AOX1: variants seen among roughly 807,000 people sequenced by gnomAD.
The protein encoded by AOX1 is aldehyde oxidase.
AOX1 carries 153 observed loss-of-function variants against 169.5 expected under a neutral mutation model. The observed-to-expected ratio is 0.90, with a 90% CI of 0.79 to 1.03. AOX1 has a LOEUF of 1.03. AOX1 is among the 50% of genes least tolerant of loss of function. AOX1 has a pLI of 0.00. For missense variants in AOX1, 1,656 were observed against 1,663.9 expected, an observed-to-expected ratio of 1.00 and a Z score of 0.08; for synonymous variants, 562 against 581.9, an observed-to-expected ratio of 0.97 and a Z score of 0.49.
chr2:200,639,686 G>A (rs980549900), intron 23 of AOX1, among the ~76,000 whole-genome samples: 1 of 152,100 alleles, frequency 6.6e-6, no homozygotes, highest in East Asian at 1.9e-4. Context: ...ATGGAGAGAT[G>A]AATATGAATT....
chr2:200,610,705 A>G (rs966428285), intron 12 of AOX1, among the ~76,000 whole-genome samples: 1 of 152,186 alleles, frequency 6.6e-6, no homozygotes, highest in Non-Finnish European at 1.5e-5. Context: ...CTTGATCAGA[A>G]TATCAAAAGA....
exon 5 of AOX1, chr2:200,677,005 ATG>A (rs1322185205): frequency 6.6e-6 from 3 of 455,244 alleles, no homozygotes; most frequent in Non-Finnish European, 1.4e-5. Context: ...GTTTGTTTGT[ATG>A]TGAATGGAAG....
chr2:200,632,371 G>A (rs1423780239), intron 20 of AOX1, among the ~76,000 whole-genome samples: 1 of 150,824 alleles, frequency 6.6e-6, no homozygotes, highest in East Asian at 1.9e-4. Flanking sequence ...AAATATCACA[G>A]TCTGGTTTCA....
downstream of AOX1, among the ~76,000 whole-genome samples, chr2:200,677,769 A>G (rs1243561501): frequency 6.6e-6 from 1 of 152,150 alleles, no homozygotes; most frequent in East Asian, 1.9e-4. Flanking sequence ...CTTGTTTTTC[A>G]TTGTCCTTGA....
intron 27 of AOX1, among the ~76,000 whole-genome samples, chr2:200,657,165 A>AAAAAAAAAT (rs1179205121): frequency 2.3e-5 from 2 of 88,408 alleles, no homozygotes; most frequent in Non-Finnish European, 4.0e-5. Flanking sequence ...CTCTACCAAA[A>AAAAAAAAAT]ATATATATAT....
intron 34 of AOX1, 44 bp downstream of exon 34, chr2:200,669,786 G>C (rs758247718): frequency 6.3e-7 from 1 of 1,595,622 alleles, no homozygotes. Flanking sequence ...ATAAAATTCT[G>C]AATTTTTGGC....
At chr2:200,589,320 G>A (rs2034120436) in intron 1 of AOX1, among the ~76,000 whole-genome samples, 1 of 152,130 alleles carries the variant, frequency 6.6e-6, no homozygotes, top group Non-Finnish European at 1.5e-5. Flanking sequence ...GTTTAAGGGA[G>A]GAAGAGCCCA....
At chr2:200,589,501 G>A (rs13419464) in intron 1 of AOX1, among the ~76,000 whole-genome samples, 2,259 of 152,204 alleles carry the variant, frequency 0.015, 72 homozygotes, top group African/African-American at 0.051. Context: ...CTGGGGCCTC[G>A]GGCAAGGTAC....
At chr2:200,657,000 A>T in intron 27 of AOX1, 63 bp downstream of exon 27, 1 of 1,120,038 alleles carries the variant, frequency 8.9e-7, no homozygotes, top group Non-Finnish European at 1.2e-6. Context: ...ATGAGAGAAA[A>T]ACTATGAATG....
chr2:200,671,799 A>G (rs1405400048), downstream of AOX1, among the ~76,000 whole-genome samples: 3 of 152,204 alleles, frequency 2.0e-5, no homozygotes, highest in South Asian at 4.1e-4. Flanking sequence ...ACATAGAATT[A>G]CCATAATCTT....
rs377508767 is a variant in AOX1, at chr2:200,642,812, A to G, written c.2847+11A>G. The stretch of plus-strand genomic sequence containing the variant: ...CTATCCCCTGAGAAGGTAATACTAA[A>G]TCAGCTTCACAGACAAAACATGTGG... On this transcript the variant is annotated intron_variant, in intron 25 of 34. Transcript: ENST00000374700. The G allele has an allele frequency of 1.9e-5, 31 of 1,605,704 alleles. No homozygotes were observed. Among genetic ancestry groups the G allele is most frequent in the Non-Finnish European group, 2.6e-5 (30 of 1,174,902 alleles).
At chr2:200,642,923 C>A in intron 25 of AOX1, 122 bp downstream of exon 25, 3 of 947,160 alleles carry the variant, frequency 3.2e-6, no homozygotes, top group East Asian at 2.6e-5. Context: ...GCCAAGTCCC[C>A]CAGCTAACTG....
At chr2:200,618,504 C>T (rs1319928090) in intron 16 of AOX1, among the ~76,000 whole-genome samples, 4 of 152,168 alleles carry the variant, frequency 2.6e-5, no homozygotes, top group Non-Finnish European at 5.9e-5. Flanking sequence ...CATTTTACTT[C>T]TTGTCATTTA....
At position 200,662,247 on chromosome 2, in the gene AOX1, A is replaced by G. The variant is rs1360063635; in HGVS notation, c.3429-608A>G. On this transcript the variant is annotated intron_variant, in intron 30 of 34. Transcript: ENST00000374700. ...CCTGTCAGGAACAGGCATTGGAAGC[A>G]TTTTTAATGGCCACCTCCAGGTTGC... Among the ~76,000 whole-genome samples the G allele has an allele frequency of 2.0e-5, 3 of 152,222 alleles. No homozygotes were observed. In the East Asian group the frequency reaches 5.8e-4, roughly 29 times the overall value.
intron 8 of AOX1, 136 bp from the exon 9 acceptor site, chr2:200,604,560 C>T: frequency 1.1e-6 from 1 of 952,288 alleles, no homozygotes; most frequent in Non-Finnish European, 1.6e-6. Flanking sequence ...TAAAGCTCTA[C>T]TTTTAGGTCA....
At position 200,636,970 on chromosome 2, in the gene AOX1, T is replaced by C; in HGVS notation, c.2406T>C (p.Arg802=). The change falls in exon 22 of 35, where the codon CGT becomes CGC. Residue 802 remains arginine (R), a synonymous_variant. Coordinates refer to ENST00000374700, the MANE Select transcript of AOX1 (RefSeq NM_001159.4). Reference sequence around the variant, plus strand: ...ACAAGGTCATGTGCCATGTAAGGCGTGTTGGTGGAGCGTTTGGAGGGAAGG... The same window carrying C: ...ACAAGGTCATGTGCCATGTAAGGCGCGTTGGTGGAGCGTTTGGAGGGAAGG... ...PANKVMCHVR[R]VGGAFGGKVL... is the part of the protein sequence containing the mutation. 6.2e-7 allele frequency: 1 copy of C among 1,614,096 alleles called. No homozygotes were observed. Among genetic ancestry groups the C allele is most frequent in the African/African-American group, 1.3e-5 (1 of 75,030 alleles).
downstream of AOX1, among the ~76,000 whole-genome samples, chr2:200,674,512 G>C (rs949048355): frequency 6.6e-6 from 1 of 152,192 alleles, no homozygotes; most frequent in Non-Finnish European, 1.5e-5. Context: ...GAAGATTTTT[G>C]TATCACAGGT....
chr2:200,619,201 C>A (rs1050516118), intron 16 of AOX1, among the ~76,000 whole-genome samples: 1 of 152,104 alleles, frequency 6.6e-6, no homozygotes, highest in African/African-American at 2.4e-5. Flanking sequence ...TATGTGTTGG[C>A]GACTTGTTCT....
In AOX1 at chr2:200,586,028, T is replaced by G; in HGVS notation, c.-81T>G. 2.7e-6 allele frequency: 4 copies of G among 1,505,844 alleles called. No homozygotes were observed. In the South Asian group the frequency reaches 3.6e-5, roughly 14 times the overall value. The allele number at this position is 1,505,844 out of a possible 1,614,324, so 93.3% of individuals were successfully genotyped here. On this transcript the variant is annotated 5_prime_UTR_variant, in exon 1 of 35. Transcript: ENST00000374700. Reference sequence around the variant, plus strand: ...AGCCCCGCCCCACTCGGCGGGTCGGTGCCGCCGGGTCCCAGGTGCCCGCTA... The same window carrying G: ...AGCCCCGCCCCACTCGGCGGGTCGGGGCCGCCGGGTCCCAGGTGCCCGCTA...
Sources: allele counts gnomAD v4.1 joint callset (sites outside exome capture counted in the v4.1 genomes callset), GRCh38; gene constraint gnomAD v4.1.1; transcripts MANE v1.5; gene names NCBI Gene and HGNC (gene_info 2026-07-23, HGNC 2026-07-21).